Variants in LRMDA observed in about 807,000 individuals in gnomAD.
The protein encoded by LRMDA is leucine-rich melanocyte differentiation-associated protein.
A neutral mutation model predicts 29.8 loss-of-function variants in LRMDA; 18 were observed. That is an observed-to-expected ratio of 0.60 (90% CI 0.42 to 0.90). The LOEUF (loss-of-function observed/expected upper bound fraction) is 0.90, where lower values mean the gene tolerates loss of function less well. Ranked by LOEUF, LRMDA falls within the 40% of genes least tolerant of loss-of-function variation. The pLI is 0.00. For missense variants in LRMDA, 273 were observed against 273.9 expected, an observed-to-expected ratio of 1.00 and a Z score of 0.02; for synonymous variants, 125 against 109.4, an observed-to-expected ratio of 1.14 and a Z score of -0.89.
At chr10:75,875,719 A>G (rs1213291881) in intron 2 of LRMDA, among the ~76,000 whole-genome samples, 1 of 152,256 alleles carries the variant, frequency 6.6e-6, no homozygotes, top group Non-Finnish European at 1.5e-5. Context: ...GGCGTGAGCC[A>G]CGGTGCCCAG....
intron 6 of LRMDA, among the ~76,000 whole-genome samples, chr10:76,504,150 C>G (rs1842937719): frequency 6.6e-6 from 1 of 151,844 alleles, no homozygotes; most frequent in Non-Finnish European, 1.5e-5. Flanking sequence ...GAGAGATCTT[C>G]TTGGTATTGA....
rs1845145988 is a variant in LRMDA, at chr10:75,873,453, G to C, written c.132-162555G>C. On this transcript the variant is annotated intron_variant, in intron 2 of 6. Transcript: ENST00000611255. ...AGGAAAAAAGCTTGATGAAATATTT[G>C]AGAAGAATATAAGCCATAATGAAAA... 2.0e-5 allele frequency among the ~76,000 whole-genome samples: 3 copies of C among 152,288 alleles called. No individual in the cohort carries two copies. In the South Asian group the frequency reaches 6.2e-4, roughly 32 times the overall value.
intron 2 of LRMDA, among the ~76,000 whole-genome samples, chr10:76,025,091 C>T (rs1848039980): frequency 1.3e-5 from 2 of 152,198 alleles, no homozygotes; most frequent in South Asian, 4.1e-4. Context: ...CCCGAGGCCA[C>T]AGGCTCCATG....
In LRMDA at chr10:75,438,469, C is replaced by G; in HGVS notation, c.106C>G (p.Leu36Val). The G allele has an allele frequency of 6.4e-7, 1 of 1,550,758 alleles. No individual in the cohort carries two copies. Among genetic ancestry groups the G allele is most frequent in the Non-Finnish European group, 8.7e-7 (1 of 1,147,022 alleles). The change falls in exon 2 of 7, where the codon CTT becomes GTT. Residue 36 changes from leucine (L) to valine (V), a missense_variant. Physicochemically the swap from Leu to Val is conservative, Grantham distance 32. Coordinates refer to ENST00000611255, the MANE Select transcript of LRMDA (RefSeq NM_001305581.2). ...GRDCGHFAKR[L>V]DLSFNLLRSL... ...GGACTGTGGACATTTCGCAAAGAGG[C>G]TTGATCTGAGCTTTAACCTTCTGAG...
chr10:76,517,923 AAT>A (rs199508180), intron 6 of LRMDA, among the ~76,000 whole-genome samples: 2 of 87,532 alleles, frequency 2.3e-5, no homozygotes, highest in African/African-American at 3.6e-5. Context: ...GAAGCAGAGA[AAT>A]ATATATATAT....
intron 2 of LRMDA, among the ~76,000 whole-genome samples, chr10:75,915,415 C>T (rs942721033): frequency 6.6e-6 from 1 of 151,788 alleles, no homozygotes; most frequent in Non-Finnish European, 1.5e-5. Context: ...GGATTATAGG[C>T]GTGAGCCACT....
At chr10:75,509,214 GCA>G (rs1845200078) in intron 2 of LRMDA, among the ~76,000 whole-genome samples, 1 of 152,190 alleles carries the variant, frequency 6.6e-6, no homozygotes, top group Non-Finnish European at 1.5e-5. Context: ...CGTTCGTGGT[GCA>G]GTGTTGTCTG....
At chr10:75,843,770 C>A (rs1844584832) in intron 2 of LRMDA, among the ~76,000 whole-genome samples, 1 of 152,178 alleles carries the variant, frequency 6.6e-6, no homozygotes, top group South Asian at 2.1e-4. Flanking sequence ...ACTAATGAAT[C>A]TTTAAGGTTG....
At chr10:76,426,516 G>A (rs1842127447) in intron 6 of LRMDA, among the ~76,000 whole-genome samples, 1 of 151,990 alleles carries the variant, frequency 6.6e-6, no homozygotes, top group Non-Finnish European at 1.5e-5. Flanking sequence ...TTTGTCAGAT[G>A]AGTAGATTGC....
At chr10:76,507,568 C>T (rs772045428) in intron 6 of LRMDA, among the ~76,000 whole-genome samples, 2 of 152,078 alleles carry the variant, frequency 1.3e-5, no homozygotes, top group Non-Finnish European at 2.9e-5. Context: ...AAAATATTTG[C>T]TAAGATTGTT....
chr10:76,046,905 TATG>T (rs1848447850), intron 3 of LRMDA, among the ~76,000 whole-genome samples: 1 of 152,200 alleles, frequency 6.6e-6, no homozygotes, highest in Non-Finnish European at 1.5e-5. Flanking sequence ...GAAAGAAAAA[TATG>T]ATGGGACAAT....
intron 2 of LRMDA, among the ~76,000 whole-genome samples, chr10:75,807,847 A>G (rs1189473784): frequency 6.6e-6 from 1 of 152,202 alleles, no homozygotes; most frequent in Non-Finnish European, 1.5e-5. Context: ...TGCAGCCTTC[A>G]AGTTGAAATT....
chr10:75,691,757 C>T (rs913622832), intron 2 of LRMDA, among the ~76,000 whole-genome samples: 13 of 152,106 alleles, frequency 8.5e-5, no homozygotes, highest in African/African-American at 3.1e-4. Flanking sequence ...TGGAGAGGCC[C>T]ACCACTAATT....
chr10:76,071,729 A>G (rs1413903680), intron 5 of LRMDA, among the ~76,000 whole-genome samples: 1 of 152,258 alleles, frequency 6.6e-6, no homozygotes, highest in Non-Finnish European at 1.5e-5. Flanking sequence ...TCTCTTATGC[A>G]GTAAAATTAA....
chr10:76,072,303 G>C (rs1848888275), intron 5 of LRMDA, among the ~76,000 whole-genome samples: 1 of 152,018 alleles, frequency 6.6e-6, no homozygotes, highest in Non-Finnish European at 1.5e-5. Context: ...CACTTAAAGG[G>C]GTGTGACCTT....
intron 6 of LRMDA, among the ~76,000 whole-genome samples, chr10:76,353,329 G>GT (rs977583073): frequency 3.7e-5 from 4 of 108,202 alleles, no homozygotes; most frequent in Non-Finnish European, 9.3e-5. Flanking sequence ...GAGCTGTGGA[G>GT]TTGTGTGTGT....
intron 2 of LRMDA, among the ~76,000 whole-genome samples, chr10:75,638,218 A>C (rs1841411566): frequency 6.6e-6 from 1 of 152,212 alleles, no homozygotes; most frequent in Admixed American, 6.5e-5. Flanking sequence ...GTTCCTAGGA[A>C]CACGGTTTGA....
At chr10:75,989,771 A>G (rs75690469) in intron 2 of LRMDA, among the ~76,000 whole-genome samples, 102 of 152,322 alleles carry the variant, frequency 6.7e-4, no homozygotes, top group African/African-American at 2.4e-3. Context: ...TCAAGTTCAA[A>G]CAGCTAGCAA....
intron 6 of LRMDA, among the ~76,000 whole-genome samples, chr10:76,394,717 G>A (rs970370028): frequency 2.0e-5 from 3 of 152,122 alleles, no homozygotes; most frequent in Non-Finnish European, 4.4e-5. Flanking sequence ...TATTCCTACA[G>A]TGCTACTGTT....
Sources: gnomAD v4.1 joint callset for allele counts (sites outside exome capture counted in the v4.1 genomes callset) on GRCh38, gnomAD v4.1.1 for gene constraint, MANE v1.5 for transcripts, NCBI Gene and HGNC (gene_info 2026-07-23, HGNC 2026-07-21) for gene names.